FIG4: variants seen among roughly 807,000 people sequenced by gnomAD.
The protein encoded by FIG4 is FIG4 phosphoinositide 5-phosphatase, also known as polyphosphoinositide phosphatase.
In FIG4, 112 loss-of-function variants were observed where a neutral mutation model predicts 118.6. The observed-to-expected ratio is 0.94, with a 90% CI of 0.81 to 1.11. The LOEUF (loss-of-function observed/expected upper bound fraction) is 1.11, where lower values mean the gene tolerates loss of function less well. Ranked by LOEUF, FIG4 falls within the 50% of genes least tolerant of loss-of-function variation. The pLI, the probability that FIG4 is intolerant of heterozygous loss-of-function variation, is 0.00. For missense variants in FIG4, 969 were observed against 1,111.7 expected (o/e 0.87, Z 1.83); for synonymous variants, 369 against 381.2 (o/e 0.97, Z 0.37).
intron 16 of FIG4, 91 bp downstream of exon 16, chr6:109,777,151 A>G (rs1777645334): frequency 1.6e-6 from 2 of 1,237,726 alleles, no homozygotes; most frequent in Non-Finnish European, 2.3e-6. Flanking sequence ...ATAGGCTAAA[A>G]TAGTCAGTTT....
intron 10 of FIG4, among the ~76,000 whole-genome samples, chr6:109,753,974 A>G (rs1190306152): frequency 2.0e-5 from 3 of 152,108 alleles, no homozygotes; most frequent in African/African-American, 4.8e-5. Context: ...TTCCAACACT[A>G]TGTTGAATAG....
intron 1 of FIG4, among the ~76,000 whole-genome samples, chr6:109,695,579 T>TAC (rs57747347): frequency 0.37 from 55,548 of 148,560 alleles, 10,354 homozygotes; most frequent in African/African-American, 0.41. Context: ...ATGCAGTGAA[T>TAC]ACACACACAC....
chr6:109,785,827 T>G (rs1777936892), intron 17 of FIG4: 1 of 402,780 alleles, frequency 2.5e-6, no homozygotes, highest in Non-Finnish European at 5.3e-6. Flanking sequence ...TTGGAAGGTA[T>G]TTGTAACTTG....
At chr6:109,773,151 TC>T (rs1294665322) in intron 15 of FIG4, among the ~76,000 whole-genome samples, 1 of 152,202 alleles carries the variant, frequency 6.6e-6, no homozygotes, top group Non-Finnish European at 1.5e-5. Flanking sequence ...ATCTTGTGCT[TC>T]AAATCTCTCT....
Position 109,786,574 on chromosome 6 carries a change from T to C in FIG4, c.2096+125T>C, listed in dbSNP as rs376294584. Reference sequence around the variant, plus strand: ...CTTCTGTCAGGTGGGTAGTCCACCTTTGAATACCTCCTGTGATGGGGAGCC... The same window carrying C: ...CTTCTGTCAGGTGGGTAGTCCACCTCTGAATACCTCCTGTGATGGGGAGCC... On this transcript the variant is annotated intron_variant, in intron 18 of 22. Coordinates refer to ENST00000230124, the MANE Select transcript of FIG4 (RefSeq NM_014845.6). The C allele has an allele frequency of 1.7e-5, 16 of 960,490 alleles. No individual in the cohort carries two copies. In the South Asian group the frequency reaches 2.1e-4, roughly 13 times the overall value. 59.5% of individuals were successfully genotyped at this position (960,490 alleles called of 1,614,324 possible).
intron 22 of FIG4, among the ~76,000 whole-genome samples, chr6:109,801,083 A>G (rs1778415067): frequency 6.6e-6 from 1 of 152,250 alleles, no homozygotes; most frequent in Non-Finnish European, 1.5e-5. Flanking sequence ...TTGAAAAGGC[A>G]TGAACACATA....
In FIG4 at chr6:109,808,111, G is replaced by T. The variant is rs1157184036; in HGVS notation, c.2546+11260G>T. Among the ~76,000 whole-genome samples, 6 of 152,196 alleles carry T rather than the reference G, an allele frequency of 3.9e-5. No individual in the cohort carries two copies. The South Asian group carries it at 1.2e-3, about 32-fold the overall frequency. Reference sequence around the variant, plus strand: ...GCTAAAAGTGGAGGAGCACTCACAGGAAGCATGGAGAGTAGCAAATATCCA... The same window carrying T: ...GCTAAAAGTGGAGGAGCACTCACAGTAAGCATGGAGAGTAGCAAATATCCA... On this transcript the variant is annotated intron_variant, in intron 22 of 22. Coordinates refer to ENST00000230124, the MANE Select transcript of FIG4 (RefSeq NM_014845.6).
chr6:109,777,108 T>A, intron 16 of FIG4, 48 bp downstream of exon 16: 1 of 1,510,662 alleles, frequency 6.6e-7, no homozygotes, highest in Non-Finnish European at 9.2e-7. Context: ...TGGTGTTATT[T>A]TGAATATGAG....
chr6:109,802,040 C>T (rs1008841184), intron 22 of FIG4, among the ~76,000 whole-genome samples: 1 of 152,164 alleles, frequency 6.6e-6, no homozygotes, highest in African/African-American at 2.4e-5. Flanking sequence ...TAATTCCCTC[C>T]ACAGGCGGAG....
At chr6:109,709,556 A>G (rs1253523927) in intron 1 of FIG4, among the ~76,000 whole-genome samples, 1 of 152,172 alleles carries the variant, frequency 6.6e-6, no homozygotes, top group African/African-American at 2.4e-5. Flanking sequence ...TTTGGGCAGT[A>G]TGGCCATTTT....
At chr6:109,707,374 T>C (rs1320304793) in intron 1 of FIG4, among the ~76,000 whole-genome samples, 1 of 148,156 alleles carries the variant, frequency 6.7e-6, no homozygotes, top group African/African-American at 2.5e-5. Context: ...TGTATATATA[T>C]ATACATATAT....
intron 1 of FIG4, among the ~76,000 whole-genome samples, chr6:109,709,037 GT>G (rs1430973393): frequency 1.3e-5 from 2 of 152,138 alleles, no homozygotes; most frequent in African/African-American, 4.8e-5. Context: ...ATCTTTGCCT[GT>G]GCCTATGTCC....
chr6:109,714,889 T>C (rs1775379731), intron 1 of FIG4, among the ~76,000 whole-genome samples, 189 bp from the exon 2 acceptor site: 1 of 152,356 alleles, frequency 6.6e-6, no homozygotes, highest in Admixed American at 6.5e-5. Flanking sequence ...CCACTAGGAA[T>C]ATTTTAATTT....
chr6:109,775,513 TTAAGA>T (rs1222917484), intron 15 of FIG4, among the ~76,000 whole-genome samples: 1 of 152,232 alleles, frequency 6.6e-6, no homozygotes, highest in Non-Finnish European at 1.5e-5. Context: ...CTAGATTATA[TTAAGA>T]TATTTTGAGG....
intron 3 of FIG4, among the ~76,000 whole-genome samples, chr6:109,722,783 C>T (rs1222595935): frequency 2.6e-5 from 4 of 152,086 alleles, no homozygotes; most frequent in Admixed American, 2.6e-4. Context: ...AGTAGAGCCT[C>T]TACCCTGTGA....
At position 109,778,470 on chromosome 6, in the gene FIG4, C is replaced by CAA. The variant is rs111576515; in HGVS notation, c.1889+1422_1889+1423dup. Among the ~76,000 whole-genome samples the CAA allele has an allele frequency of 7.0e-4, 100 of 142,980 alleles. 1 individual carries two copies. Among genetic ancestry groups the CAA allele is most frequent in the African/African-American group, 1.1e-3 (41 of 39,034 alleles). 93.8% of individuals were successfully genotyped at this position (142,980 alleles called of 152,430 possible). ...GGGCAACAAGAGCAAACCTCTGTCT[C>CAA]AAAAAAAAAAAAAGGATACCTACCA... On this transcript the variant is annotated intron_variant, in intron 16 of 22. Transcript: ENST00000230124.
intron 6 of FIG4, among the ~76,000 whole-genome samples, chr6:109,735,707 A>G (rs1379379595): frequency 2.0e-5 from 3 of 152,226 alleles, no homozygotes; most frequent in Non-Finnish European, 4.4e-5. Flanking sequence ...TGGGTTGCCT[A>G]TTATGTGCTA....
intron 10 of FIG4, among the ~76,000 whole-genome samples, chr6:109,752,790 G>T (rs1291727860): frequency 3.9e-5 from 6 of 152,142 alleles, no homozygotes; most frequent in Non-Finnish European, 1.5e-5. Context: ...TTTGTAGGTT[G>T]CCTGTTCACT....
At chr6:109,765,291 C>T in intron 14 of FIG4, 130 bp downstream of exon 14, 1 of 752,998 alleles carries the variant, frequency 1.3e-6, no homozygotes, top group Non-Finnish European at 2.2e-6. Context: ...AAACATTATT[C>T]AAACTCGTTC....
Sources: allele counts gnomAD v4.1 joint callset (sites outside exome capture counted in the v4.1 genomes callset), GRCh38; gene constraint gnomAD v4.1.1; transcripts MANE v1.5; gene names NCBI Gene and HGNC (gene_info 2026-07-23, HGNC 2026-07-21).